CTNNA3: variants seen among roughly 807,000 people sequenced by gnomAD.
CTNNA3 encodes the protein catenin alpha-3.
CTNNA3 carries 76 observed loss-of-function variants against 95.7 expected under a neutral mutation model. The ratio of observed to expected loss-of-function variants is 0.79; its 90% CI spans 0.66 to 0.96. The LOEUF is 0.96. CTNNA3 is among the 40% of genes least tolerant of loss of function. The pLI, the probability that CTNNA3 is intolerant of heterozygous loss-of-function variation, is 0.00. For missense variants in CTNNA3, 1,191 were observed against 1,089.8 expected (o/e 1.09, Z -1.31); for synonymous variants, 431 against 374.4 (o/e 1.15, Z -1.74).
chr10:66,922,375 G>A (rs909478809), intron 7 of CTNNA3, among the ~76,000 whole-genome samples: 3 of 152,178 alleles, frequency 2.0e-5, no homozygotes, highest in Non-Finnish European at 2.9e-5. Context: ...AAAGTATACA[G>A]GCAAATTACT....
chr10:66,806,257 G>GTGTT (rs1348432901), intron 7 of CTNNA3, among the ~76,000 whole-genome samples: 8 of 88,942 alleles, frequency 9.0e-5, no homozygotes, highest in Admixed American at 7.5e-4. Flanking sequence ...CCAGATATTG[G>GTGTT]TGTTTGTGTG....
At chr10:66,173,771 AT>A (rs749816502) in intron 13 of CTNNA3, among the ~76,000 whole-genome samples, 1 of 152,130 alleles carries the variant, frequency 6.6e-6, no homozygotes, top group Non-Finnish European at 1.5e-5. Flanking sequence ...TTAGGTACAT[AT>A]TTTTTATTTT....
chr10:66,875,371 C>T (rs1009123130), intron 7 of CTNNA3, among the ~76,000 whole-genome samples: 4 of 146,830 alleles, frequency 2.7e-5, no homozygotes, highest in Non-Finnish European at 4.5e-5. Flanking sequence ...CATTTTGTCA[C>T]TTTTGCTTTT....
At chr10:66,660,729 T>C (rs1846233032) in intron 9 of CTNNA3, among the ~76,000 whole-genome samples, 1 of 152,186 alleles carries the variant, frequency 6.6e-6, no homozygotes, top group African/African-American at 2.4e-5. Context: ...AGGTTTTTGC[T>C]CAAACTCAGA....
intron 1 of CTNNA3, among the ~76,000 whole-genome samples, chr10:67,662,346 G>A (rs767174731): frequency 2.2e-4 from 33 of 152,070 alleles, no homozygotes; most frequent in Non-Finnish European, 4.3e-4. Context: ...ATTCTCTCTC[G>A]CAAAATATCT....
At chr10:67,046,608 G>A (rs7911551) in intron 7 of CTNNA3, among the ~76,000 whole-genome samples, 4,957 of 152,024 alleles carry the variant, frequency 0.033, 247 homozygotes, top group African/African-American at 0.11. Flanking sequence ...CTTCACCACC[G>A]TAATAAGACT....
chr10:66,265,033 T>C (rs1022045222), intron 13 of CTNNA3, among the ~76,000 whole-genome samples: 1 of 152,040 alleles, frequency 6.6e-6, no homozygotes, highest in African/African-American at 2.4e-5. Flanking sequence ...TACCAAACCT[T>C]CAATTCATTT....
chr10:67,149,501 C>T (rs1860993686), intron 7 of CTNNA3, among the ~76,000 whole-genome samples: 1 of 152,118 alleles, frequency 6.6e-6, no homozygotes, highest in South Asian at 2.1e-4. Flanking sequence ...AGGAAAATGG[C>T]GTGAACCCGG....
intron 5 of CTNNA3, among the ~76,000 whole-genome samples, chr10:67,341,332 G>A (rs556606123): frequency 2.8e-4 from 43 of 151,482 alleles, no homozygotes; most frequent in East Asian, 2.7e-3. Flanking sequence ...CCATCTCTGC[G>A]TCACCTCCCC....
intron 12 of CTNNA3, among the ~76,000 whole-genome samples, chr10:66,334,290 T>C (rs2092368869): frequency 6.6e-6 from 1 of 152,016 alleles, no homozygotes; most frequent in Admixed American, 6.6e-5. Context: ...CTGGTTATTT[T>C]GCTCGTTAGT....
At chr10:67,077,710 G>T (rs1019917099) in intron 7 of CTNNA3, among the ~76,000 whole-genome samples, 2 of 152,046 alleles carry the variant, frequency 1.3e-5, no homozygotes, top group African/African-American at 4.8e-5. Context: ...TGTTTAATGT[G>T]TATCCCCTTA....
chr10:67,691,553 G>A (rs376420436), intron 1 of CTNNA3, among the ~76,000 whole-genome samples: 28 of 151,038 alleles, frequency 1.9e-4, no homozygotes, highest in Admixed American at 2.6e-4. Context: ...CGCCCCGTCC[G>A]GGATGTGAGG....
chr10:66,023,930 T>C (rs2079277528), intron 15 of CTNNA3, among the ~76,000 whole-genome samples: 1 of 152,160 alleles, frequency 6.6e-6, no homozygotes, highest in Non-Finnish European at 1.5e-5. Context: ...CGTTCTACGA[T>C]ATTTTAACCA....
Position 67,496,939 on chromosome 10 carries a change from T to A in CTNNA3, c.579+24903A>T, listed in dbSNP as rs563688979. ...CATAAACTATGTGTCTATCTTTTTT[T>A]AAAAAAATTACACTTTAAGTTCTGG... On this transcript the variant is annotated intron_variant, in intron 5 of 17. Transcript: ENST00000433211. Among the ~76,000 whole-genome samples, 27 of 152,268 alleles carry A rather than the reference T, an allele frequency of 1.8e-4. No individual in the cohort carries two copies. In the South Asian group the frequency reaches 2.1e-3, roughly 12 times the overall value.
At chr10:66,907,241 A>T (rs1846026188) in intron 7 of CTNNA3, among the ~76,000 whole-genome samples, 2 of 152,022 alleles carry the variant, frequency 1.3e-5, no homozygotes, top group Non-Finnish European at 1.5e-5. Flanking sequence ...AATTTGTGAG[A>T]TTTTTTTCAA....
At chr10:67,284,262 G>T (rs1673254598) in intron 5 of CTNNA3, among the ~76,000 whole-genome samples, 1 of 152,164 alleles carries the variant, frequency 6.6e-6, no homozygotes. Context: ...TTTAAGGAGT[G>T]AATTTTCAGA....
chr10:67,107,549 T>C (rs1263960353), intron 7 of CTNNA3, among the ~76,000 whole-genome samples: 1 of 152,248 alleles, frequency 6.6e-6, no homozygotes, highest in African/African-American at 2.4e-5. Flanking sequence ...ACACGGCCTT[T>C]AGATTGATTG....
At chr10:66,729,109 A>G (rs543850437) in intron 9 of CTNNA3, among the ~76,000 whole-genome samples, 1 of 152,324 alleles carries the variant, frequency 6.6e-6, no homozygotes, top group African/African-American at 2.4e-5. Context: ...ATTGGTTTAC[A>G]TGTCTGTTCT....
rs550760732 is a variant in CTNNA3 at position 67,015,908 on chromosome 10, A to G, written c.1047+164409T>C. On this transcript the variant is annotated intron_variant, in intron 7 of 17. Transcript: ENST00000433211. ...ATCTATGCTTGTGACTTTGTTTTCA[A>G]TCAAGTTTATTCTATTTGTGTTGCT... is the stretch of plus-strand genomic sequence containing the variant. Among the ~76,000 whole-genome samples, 6 of 151,938 alleles carry G rather than the reference A, an allele frequency of 3.9e-5. No homozygotes were observed. In the South Asian group the frequency reaches 8.3e-4, roughly 21 times the overall value.
Sources: gnomAD v4.1 joint callset for allele counts (sites outside exome capture counted in the v4.1 genomes callset) on GRCh38, gnomAD v4.1.1 for gene constraint, MANE v1.5 for transcripts, NCBI Gene and HGNC (gene_info 2026-07-23, HGNC 2026-07-21) for gene names.